Variants in CHRM3 observed in about 807,000 individuals in gnomAD.
CHRM3 encodes muscarinic acetylcholine receptor M3.
Under a neutral mutation model 41.8 loss-of-function variants are expected in CHRM3, and 11 were observed. That is an observed-to-expected ratio of 0.26 (90% CI 0.17 to 0.44). The LOEUF (loss-of-function observed/expected upper bound fraction) is 0.44, where lower values mean the gene tolerates loss of function less well. Ranked by LOEUF, CHRM3 falls within the 20% of genes least tolerant of loss-of-function variation. The pLI is 1.00. For missense variants in CHRM3, 571 were observed against 745.4 expected (o/e 0.77, Z 2.72); for synonymous variants, 297 against 301.4 (o/e 0.99, Z 0.15).
In CHRM3 at chr1:239,748,008, C is replaced by T. The variant is rs115945754; in HGVS notation, c.-147+69720C>T. ...GCCGAAATCGTGCCACGACTCCAGC[C>T]TGGACGACAGGTGAGACTCTGTCTC... On this transcript the variant is annotated intron_variant, in intron 5 of 6. Coordinates refer to ENST00000676153, the MANE Select transcript of CHRM3 (RefSeq NM_001375978.1). The surrounding 1 kb of genome is among the most constrained non-coding windows in gnomAD (Gnocchi z 4.3). 2.4e-3 allele frequency among the ~76,000 whole-genome samples: 370 copies of T among 152,286 alleles called. 2 individuals are homozygous for T. The highest frequency in any genetic ancestry group is 8.6e-3 in the African/African-American group (356 of 41,564).
chr1:239,809,019 ATT>A (rs34075379), intron 5 of CHRM3, among the ~76,000 whole-genome samples: 70 of 125,200 alleles, frequency 5.6e-4, no homozygotes, highest in East Asian at 1.6e-3. Flanking sequence ...TCTGAAGTCC[ATT>A]TTTTTTTTTT....
At chr1:239,509,459 A>G (rs1668783561) in intron 2 of CHRM3, among the ~76,000 whole-genome samples, 2 of 152,210 alleles carry the variant, frequency 1.3e-5, no homozygotes, top group Admixed American at 6.5e-5. Context: ...TAATCTGTAT[A>G]TAAAATACTT....
rs71567253 is a variant in CHRM3, at chr1:239,881,282, C to CAAAA, written c.-19-26130_-19-26127dup. On this transcript the variant is annotated intron_variant, in intron 6 of 6. Transcript: ENST00000676153. ...TGGGCGACAGAGTGAGACTCCGTCTCAAAAAAAAAAAAAAAAAAAAAAAAG... is the reference window on the plus strand; with the variant it reads ...TGGGCGACAGAGTGAGACTCCGTCTCAAAAAAAAAAAAAAAAAAAAAAAAAAAAG... 7.7e-3 allele frequency among the ~76,000 whole-genome samples: 260 copies of CAAAA among 33,872 alleles called. 36 individuals carry two copies. Among genetic ancestry groups the CAAAA allele is most frequent in the African/African-American group, 0.014 (130 of 9,212 alleles). 22.2% of individuals were successfully genotyped at this position (33,872 alleles called of 152,430 possible).
Position 239,475,438 on chromosome 1 carries a change from A to G in CHRM3, c.-520-17271A>G, listed in dbSNP as rs1475457496. On this transcript the variant is annotated intron_variant, in intron 1 of 6. Coordinates refer to ENST00000676153, the MANE Select transcript of CHRM3 (RefSeq NM_001375978.1). Reference sequence around the variant, plus strand: ...TCAGAAAAACTTCAGACAAATTCCAATCATGAGTAGTGAGAGAGGAGTCTA... The same window carrying G: ...TCAGAAAAACTTCAGACAAATTCCAGTCATGAGTAGTGAGAGAGGAGTCTA... Among the ~76,000 whole-genome samples the G allele has an allele frequency of 2.6e-5, 4 of 152,116 alleles. No individual in the cohort carries two copies. In the South Asian group the frequency reaches 6.2e-4, roughly 24 times the overall value.
chr1:239,808,003 T>C (rs1396923674), intron 5 of CHRM3, among the ~76,000 whole-genome samples: 1 of 152,218 alleles, frequency 6.6e-6, no homozygotes, highest in African/African-American at 2.4e-5. Flanking sequence ...ATTCATTAGT[T>C]ATATAAAACA....
At chr1:239,779,145 G>A (rs1375725041) in intron 5 of CHRM3, among the ~76,000 whole-genome samples, 1 of 151,956 alleles carries the variant, frequency 6.6e-6, no homozygotes, top group Non-Finnish European at 1.5e-5. Flanking sequence ...TTGTTTCTTT[G>A]TTTTTTCATA....
chr1:239,574,337 T>C (rs1335434645), intron 3 of CHRM3, among the ~76,000 whole-genome samples: 1 of 152,102 alleles, frequency 6.6e-6, no homozygotes, highest in East Asian at 1.9e-4. Flanking sequence ...CCTCTCCTTC[T>C]TTCTGTCTTC....
At chr1:239,395,143 C>G (rs1424588485) in intron 1 of CHRM3, among the ~76,000 whole-genome samples, 3 of 152,080 alleles carry the variant, frequency 2.0e-5, no homozygotes, top group Non-Finnish European at 4.4e-5. Context: ...TCCTCTGGTT[C>G]TTTTCTCTTC....
At chr1:239,569,498 A>G (rs1661645391) in intron 3 of CHRM3, among the ~76,000 whole-genome samples, 1 of 152,222 alleles carries the variant, frequency 6.6e-6, no homozygotes, top group African/African-American at 2.4e-5. Context: ...AGTAGGAAAT[A>G]CATTTATGTA....
intron 4 of CHRM3, among the ~76,000 whole-genome samples, chr1:239,646,828 G>A (rs907445567): frequency 2.0e-5 from 3 of 152,122 alleles, no homozygotes; most frequent in African/African-American, 7.2e-5. Flanking sequence ...AGCTTGAGTA[G>A]AAGAATAACA....
At chr1:239,520,787 T>A (rs1669590648) in intron 2 of CHRM3, among the ~76,000 whole-genome samples, 1 of 152,230 alleles carries the variant, frequency 6.6e-6, no homozygotes, top group Non-Finnish European at 1.5e-5. Context: ...AGATTTGATA[T>A]TGACCCTGTT....
At chr1:239,680,942 C>T (rs1558448203) in intron 5 of CHRM3, among the ~76,000 whole-genome samples, 1 of 152,032 alleles carries the variant, frequency 6.6e-6, no homozygotes, top group Non-Finnish European at 1.5e-5. Flanking sequence ...ATTGGACTTA[C>T]AGTTCCACAT....
chr1:239,880,017 C>T (rs965392353), intron 6 of CHRM3, among the ~76,000 whole-genome samples: 2 of 152,120 alleles, frequency 1.3e-5, no homozygotes, highest in Non-Finnish European at 2.9e-5. Flanking sequence ...ATGAGGTTTG[C>T]AGCAAAGAAA....
intron 4 of CHRM3, among the ~76,000 whole-genome samples, chr1:239,640,232 TG>T (rs1670957201): frequency 6.6e-6 from 1 of 152,174 alleles, no homozygotes; most frequent in African/African-American, 2.4e-5. Flanking sequence ...TTCTCTTTTT[TG>T]GTAGTGTCTC....
chr1:239,814,271 G>A (rs1227486335), intron 5 of CHRM3, among the ~76,000 whole-genome samples: 4 of 152,026 alleles, frequency 2.6e-5, no homozygotes, highest in Non-Finnish European at 4.4e-5. Flanking sequence ...GGTTTTGCTC[G>A]TGGGAGATGT....
chr1:239,406,918 G>C (rs1660635751), intron 1 of CHRM3, among the ~76,000 whole-genome samples: 2 of 152,196 alleles, frequency 1.3e-5, no homozygotes, highest in South Asian at 4.1e-4. Flanking sequence ...TTGGGAATCA[G>C]AGGGTGAAGA....
intron 3 of CHRM3, among the ~76,000 whole-genome samples, chr1:239,609,731 T>A (rs1328249286): frequency 6.6e-6 from 1 of 152,212 alleles, no homozygotes; most frequent in Non-Finnish European, 1.5e-5. Context: ...ATTTCCCTAA[T>A]GACCCATGAT....
At chr1:239,604,010 A>G (rs1320090772) in intron 3 of CHRM3, among the ~76,000 whole-genome samples, 1 of 152,208 alleles carries the variant, frequency 6.6e-6, no homozygotes, top group Non-Finnish European at 1.5e-5. Context: ...GCTCAGTAAT[A>G]TATTAGTAAA....
intron 2 of CHRM3, among the ~76,000 whole-genome samples, chr1:239,506,561 G>T (rs1358410105): frequency 6.6e-6 from 1 of 152,222 alleles, no homozygotes; most frequent in Non-Finnish European, 1.5e-5. Flanking sequence ...GAAGTTTACT[G>T]CAGGGGTGGT....
Sources: allele counts gnomAD v4.1 joint callset (sites outside exome capture counted in the v4.1 genomes callset), GRCh38; gene constraint gnomAD v4.1.1; non-coding constraint Gnocchi (gnomAD v3.1); transcripts MANE v1.5; gene names NCBI Gene and HGNC (gene_info 2026-07-23, HGNC 2026-07-21).